The following SRGAP3 variants were observed in gnomAD, a reference collection of about 807,000 sequenced individuals.
SRGAP3 encodes SLIT-ROBO Rho GTPase activating protein 3, also known as SLIT-ROBO Rho GTPase-activating protein 3.
SRGAP3 carries 39 observed loss-of-function variants against 121.1 expected under a neutral mutation model. The ratio of observed to expected loss-of-function variants is 0.32; its 90% confidence interval spans 0.25 to 0.42. SRGAP3 has a LOEUF of 0.42. SRGAP3 is among the 10% of genes least tolerant of loss of function. The pLI is 1.00. For missense variants in SRGAP3, 1,213 were observed against 1,470.6 expected (o/e 0.82, Z 2.86); for synonymous variants, 601 against 570.0 (o/e 1.05, Z -0.77).
chr3:9,115,638 AT>A (rs1471600573), intron 2 of SRGAP3, among the ~76,000 whole-genome samples: 1 of 150,810 alleles, frequency 6.6e-6, no homozygotes, highest in South Asian at 2.1e-4. Context: ...CTTTCCCCTC[AT>A]TTAAAAAAAA....
intron 2 of SRGAP3, among the ~76,000 whole-genome samples, chr3:9,117,222 CATTTATATGCTCA>C (rs1171507180): frequency 6.6e-5 from 10 of 152,210 alleles, no homozygotes; most frequent in Non-Finnish European, 1.3e-4. Context: ...CTCCTTTTCA[CATTTATATGCTCA>C]ATTTATATGC....
At chr3:9,060,206 G>C (rs111506774) in intron 6 of SRGAP3, 25 bp downstream of exon 6, 1 of 1,613,760 alleles carries the variant, frequency 6.2e-7, no homozygotes, top group East Asian at 2.2e-5. Flanking sequence ...GCCCTGCTCA[G>C]TCCCAGACTC....
chr3:9,166,480 C>T (rs770546733), intron 1 of SRGAP3, among the ~76,000 whole-genome samples: 1 of 152,026 alleles, frequency 6.6e-6, no homozygotes, highest in Non-Finnish European at 1.5e-5. Flanking sequence ...GCCCATGTGA[C>T]TAAGAGTTTT....
chr3:9,190,287 T>C (rs1951710984), intron 1 of SRGAP3, among the ~76,000 whole-genome samples: 2 of 151,860 alleles, frequency 1.3e-5, no homozygotes, highest in Admixed American at 6.6e-5. Flanking sequence ...GAATAAGGAG[T>C]GGAAAGTCCT....
rs1172261657 is a variant in SRGAP3, at chr3:9,003,358, A to G, written c.2227+6950T>C. Among the ~76,000 whole-genome samples the G allele has an allele frequency of 4.6e-5, 7 of 152,096 alleles. No individual in the cohort carries two copies. In the South Asian group the frequency reaches 1.0e-3, roughly 23 times the overall value. On this transcript the variant is annotated intron_variant, in intron 18 of 21. Transcript: ENST00000383836. The stretch of plus-strand genomic sequence containing the variant: ...GCCTGGTATGGTATCGGGCACCTGT[A>G]ATATCAGTTACTCTGGAGGCTGAGG...
chr3:9,255,764 G>A (rs561768087), intron 3 of SRGAP3, among the ~76,000 whole-genome samples: 3 of 152,258 alleles, frequency 2.0e-5, no homozygotes, highest in South Asian at 2.1e-4. Flanking sequence ...GTCTGCTAAC[G>A]AAAACAATGC....
chr3:9,310,264 T>C (rs1291056014), intron 3 of SRGAP3, among the ~76,000 whole-genome samples: 1 of 152,136 alleles, frequency 6.6e-6, no homozygotes, highest in Non-Finnish European at 1.5e-5. Context: ...GAGCTGTGTA[T>C]AAGCACAAAG....
chr3:9,361,736 C>T (rs891072645), intron 1 of SRGAP3, among the ~76,000 whole-genome samples: 1 of 152,178 alleles, frequency 6.6e-6, no homozygotes, highest in African/African-American at 2.4e-5. Flanking sequence ...CAGCCTGATG[C>T]TGACCCTCCC....
chr3:9,222,015 T>A (rs1034321888), intron 1 of SRGAP3, among the ~76,000 whole-genome samples: 1 of 152,156 alleles, frequency 6.6e-6, no homozygotes, highest in Non-Finnish European at 1.5e-5. Flanking sequence ...GCCTGCCCCA[T>A]CCACAGGAGT....
chr3:9,088,619 G>C (rs1434055238), intron 3 of SRGAP3, among the ~76,000 whole-genome samples: 1 of 152,100 alleles, frequency 6.6e-6, no homozygotes, highest in African/African-American at 2.4e-5. Flanking sequence ...TGTTCCCTGG[G>C]GGATAAAACT....
intron 1 of SRGAP3, among the ~76,000 whole-genome samples, chr3:9,248,040 G>A (rs1032946384): frequency 2.0e-5 from 3 of 152,200 alleles, no homozygotes; most frequent in Non-Finnish European, 4.4e-5. Context: ...TTTAGGGAGC[G>A]GCTTCTGAAA....
chr3:9,309,369 C>T (rs536236837), intron 3 of SRGAP3, among the ~76,000 whole-genome samples: 180 of 152,264 alleles, frequency 1.2e-3, no homozygotes, highest in African/African-American at 4.2e-3. Context: ...CCTTCACTAC[C>T]CTCTTTCCTC....
At chr3:9,028,178 A>G in intron 12 of SRGAP3, 1 of 1,611,692 alleles carries the variant, frequency 6.2e-7, no homozygotes, top group South Asian at 1.1e-5. Context: ...AAAAGAAAAG[A>G]TTATGCAGGA....
At chr3:9,055,079 A>C (rs1220562103) in intron 8 of SRGAP3, among the ~76,000 whole-genome samples, 2 of 152,230 alleles carry the variant, frequency 1.3e-5, no homozygotes, top group African/African-American at 4.8e-5. Flanking sequence ...TGTAGGGCAT[A>C]AATAAATAAA....
At chr3:9,322,955 G>C (rs1349027695) in intron 3 of SRGAP3, among the ~76,000 whole-genome samples, 1 of 151,626 alleles carries the variant, frequency 6.6e-6, no homozygotes, top group Non-Finnish European at 1.5e-5. Context: ...AGCAAATTTT[G>C]GTATATTCAC....
At chr3:9,315,387 T>A (rs1201401814) in intron 3 of SRGAP3, among the ~76,000 whole-genome samples, 1 of 152,142 alleles carries the variant, frequency 6.6e-6, no homozygotes, top group Non-Finnish European at 1.5e-5. Context: ...CCCTTCCCCA[T>A]CCTGGGAAGA....
chr3:9,158,334 C>T (rs992068990), intron 1 of SRGAP3, among the ~76,000 whole-genome samples: 1 of 152,136 alleles, frequency 6.6e-6, no homozygotes, highest in Non-Finnish European at 1.5e-5. Context: ...GCTCAAACGC[C>T]AGAGAAGGGC....
chr3:9,288,198 C>T (rs532857399), intron 3 of SRGAP3, among the ~76,000 whole-genome samples: 2 of 143,752 alleles, frequency 1.4e-5, no homozygotes, highest in African/African-American at 2.5e-5. Context: ...AGTGCAATAG[C>T]GCAGCCTCGG....
At chr3:9,065,807 C>T (rs1468122054) in intron 4 of SRGAP3, among the ~76,000 whole-genome samples, 1 of 152,084 alleles carries the variant, frequency 6.6e-6, no homozygotes, top group East Asian at 1.9e-4. Flanking sequence ...TACTTATGTA[C>T]ATTTCTTTGT....
Sources: gnomAD v4.1 joint callset for allele counts (sites outside exome capture counted in the v4.1 genomes callset) on GRCh38, gnomAD v4.1.1 for gene constraint, MANE v1.5 for transcripts, NCBI Gene and HGNC (gene_info 2026-07-23, HGNC 2026-07-21) for gene names.